Variants in MMP16 observed in about 807,000 individuals in gnomAD.
MMP16 encodes the protein matrix metallopeptidase 16.
Under a neutral mutation model 67.8 loss-of-function variants are expected in MMP16, and 12 were observed. The observed-to-expected ratio is 0.18, with a 90% CI of 0.11 to 0.29. The LOEUF is 0.29. MMP16 is among the 10% of genes least tolerant of loss of function. The pLI is 1.00. For synonymous variants in MMP16, 249 were observed against 255.9 expected (o/e 0.97, Z 0.26); for missense variants, 475 against 765.7 (o/e 0.62, Z 4.48).
intron 1 of MMP16, among the ~76,000 whole-genome samples, chr8:88,322,289 A>C (rs1231555796): frequency 1.3e-5 from 2 of 152,228 alleles, no homozygotes; most frequent in Non-Finnish European, 2.9e-5. Flanking sequence ...CTATGATAGT[A>C]ACAGATGACA....
chr8:88,157,514 A>G (rs1310689895), intron 4 of MMP16, among the ~76,000 whole-genome samples: 1 of 151,874 alleles, frequency 6.6e-6, no homozygotes, highest in Non-Finnish European at 1.5e-5. Flanking sequence ...TTGACACCTG[A>G]GGCAACTTCC....
At chr8:88,119,292 A>C (rs556058213) in intron 4 of MMP16, among the ~76,000 whole-genome samples, 1 of 152,182 alleles carries the variant, frequency 6.6e-6, no homozygotes, top group Admixed American at 6.6e-5. Flanking sequence ...AAGATGAGTA[A>C]ATTAAGGCAT....
intron 4 of MMP16, among the ~76,000 whole-genome samples, chr8:88,138,100 T>C (rs1413738244): frequency 3.9e-5 from 6 of 152,000 alleles, no homozygotes; most frequent in Non-Finnish European, 8.8e-5. Context: ...TATGTGTTTT[T>C]TTTCCTAGGT....
intron 1 of MMP16, among the ~76,000 whole-genome samples, chr8:88,229,502 C>T (rs548598359): frequency 6.6e-6 from 1 of 152,154 alleles, no homozygotes; most frequent in African/African-American, 2.4e-5. Flanking sequence ...ACAGTGAAAT[C>T]TTAGCCAGGG....
intron 1 of MMP16, among the ~76,000 whole-genome samples, chr8:88,316,636 C>T (rs150849040): frequency 2.2e-4 from 34 of 152,238 alleles, no homozygotes; most frequent in African/African-American, 7.9e-4. Flanking sequence ...TCACCCAGAG[C>T]TCTGATGGAG....
At chr8:88,077,891 T>C (rs193202989) in intron 6 of MMP16, among the ~76,000 whole-genome samples, 20 of 152,304 alleles carry the variant, frequency 1.3e-4, no homozygotes, top group Admixed American at 8.5e-4. Context: ...TAAAGGTCTT[T>C]GAACCATAAA....
chr8:88,189,126 T>C (rs1809125598), intron 2 of MMP16, among the ~76,000 whole-genome samples: 1 of 152,208 alleles, frequency 6.6e-6, no homozygotes, highest in African/African-American at 2.4e-5. Context: ...ATATAGTATT[T>C]TTGAGCTTTT....
intron 4 of MMP16, among the ~76,000 whole-genome samples, chr8:88,132,780 T>A (rs545049408): frequency 3.3e-5 from 5 of 152,054 alleles, no homozygotes; most frequent in African/African-American, 1.2e-4. Flanking sequence ...CAAGGCATAA[T>A]TATCCAGAGG....
intron 1 of MMP16, among the ~76,000 whole-genome samples, chr8:88,262,416 T>C (rs1810401196): frequency 6.6e-6 from 1 of 152,188 alleles, no homozygotes; most frequent in Non-Finnish European, 1.5e-5. Flanking sequence ...CTCTAAAGTA[T>C]TTTTCCGGAA....
At chr8:88,227,031 T>C (rs1192272836) in intron 1 of MMP16, among the ~76,000 whole-genome samples, 1 of 151,946 alleles carries the variant, frequency 6.6e-6, no homozygotes, top group African/African-American at 2.4e-5. Flanking sequence ...TAAACAAAAG[T>C]GATCTAGAGA....
intron 4 of MMP16, among the ~76,000 whole-genome samples, chr8:88,149,016 A>C (rs1391603966): frequency 6.6e-6 from 1 of 152,212 alleles, no homozygotes; most frequent in African/African-American, 2.4e-5. Context: ...ACCGGGCGCG[A>C]GCCAAAGCAG....
chr8:88,116,570 G>A lies in MMP16; in HGVS notation c.1020C>T (p.Pro340=). The change falls in exon 6 of 10, where the codon CCC becomes CCT. Residue 340 remains proline, a synonymous_variant. Transcript: ENST00000286614. Reference sequence around the variant, plus strand: ...TGTTAAAGTTCCCATCACAGATGTTGGGTTTGGCTCCGGGATAGGAGGGTC... The same window carrying A: ...TGTTAAAGTTCCCATCACAGATGTTAGGTTTGGCTCCGGGATAGGAGGGTC... ...TGRPSYPGAK[P]NICDGNFNTL... is the part of the protein sequence containing the mutation. The A allele has an allele frequency of 6.2e-7, 1 of 1,613,784 alleles. No individual in the cohort carries two copies.
At chr8:88,210,266 T>C (rs1809493064) in intron 1 of MMP16, among the ~76,000 whole-genome samples, 1 of 152,228 alleles carries the variant, frequency 6.6e-6, no homozygotes, top group South Asian at 2.1e-4. Flanking sequence ...ACTCAGTTTA[T>C]GTCTATTGCT....
rs28907888 is a variant in MMP16, at chr8:88,311,738, A to G, written c.132+15337T>C. On this transcript the variant is annotated intron_variant, in intron 1 of 9. Coordinates refer to ENST00000286614, the MANE Select transcript of MMP16 (RefSeq NM_005941.5). Reference sequence around the variant, plus strand: ...TGTTTAGGAGTGGACAGCCATCTTTAATGTGAGAACCACTGTACTAGATCA... The same window carrying G: ...TGTTTAGGAGTGGACAGCCATCTTTGATGTGAGAACCACTGTACTAGATCA... Among the ~76,000 whole-genome samples the G allele has an allele frequency of 5.6e-3, 849 of 152,246 alleles. 10 individuals carry two copies. The highest frequency in any genetic ancestry group is 0.019 in the African/African-American group (804 of 41,540).
intron 3 of MMP16, among the ~76,000 whole-genome samples, chr8:88,181,377 C>G (rs1226431236): frequency 6.6e-6 from 1 of 151,844 alleles, no homozygotes; most frequent in African/African-American, 2.4e-5. Flanking sequence ...AATTGCTTTT[C>G]TATCTGCTAA....
At chr8:88,080,217 C>A (rs1265587450) in intron 6 of MMP16, among the ~76,000 whole-genome samples, 2 of 152,120 alleles carry the variant, frequency 1.3e-5, no homozygotes, top group African/African-American at 4.8e-5. Flanking sequence ...CTAGACAGAT[C>A]TCCCAATTTT....
intron 1 of MMP16, among the ~76,000 whole-genome samples, chr8:88,271,048 C>T (rs970634826): frequency 3.9e-5 from 6 of 152,058 alleles, no homozygotes; most frequent in African/African-American, 9.7e-5. Flanking sequence ...AAAGTAAAGT[C>T]GGTACACTTA....
At chr8:88,155,382 T>C (rs997461446) in intron 4 of MMP16, among the ~76,000 whole-genome samples, 1 of 151,902 alleles carries the variant, frequency 6.6e-6, no homozygotes, top group African/African-American at 2.4e-5. Flanking sequence ...TTGGGAATAA[T>C]TTTTTTTCCT....
chr8:88,236,955 C>T lies in MMP16; in HGVS notation c.133-39649G>A, dbSNP rs544912228. On this transcript the variant is annotated intron_variant, in intron 1 of 9. Transcript: ENST00000286614. ...AGTAATAAAAATAAAATCATATGTCCATATAGTACTTCACAGTTCCTGCAA... is the reference window on the plus strand; with the variant it reads ...AGTAATAAAAATAAAATCATATGTCTATATAGTACTTCACAGTTCCTGCAA... 7.9e-5 allele frequency among the ~76,000 whole-genome samples: 12 copies of T among 152,212 alleles called. No homozygotes were observed. The East Asian group carries it at 2.3e-3, about 29-fold the overall frequency.
Sources: allele counts gnomAD v4.1 joint callset (sites outside exome capture counted in the v4.1 genomes callset), GRCh38; gene constraint gnomAD v4.1.1; transcripts MANE v1.5; gene names NCBI Gene and HGNC (gene_info 2026-07-23, HGNC 2026-07-21).